The following ARHGAP32 variants were observed in gnomAD, a reference collection of about 807,000 sequenced individuals.
The protein encoded by ARHGAP32 is Rho GTPase activating protein 32, also known as rho GTPase-activating protein 32.
A neutral mutation model predicts 186.5 loss-of-function variants in ARHGAP32; 51 were observed. The ratio of observed to expected loss-of-function variants is 0.27; its 90% CI spans 0.22 to 0.35. The LOEUF (loss-of-function observed/expected upper bound fraction) is 0.35, where lower values mean the gene tolerates loss of function less well. ARHGAP32 is among the 10% of genes least tolerant of loss of function. ARHGAP32 has a pLI of 1.00. For missense variants in ARHGAP32, 2,186 were observed against 2,623.5 expected (o/e 0.83, Z 3.64); for synonymous variants, 950 against 964.3 (o/e 0.99, Z 0.27).
chr11:129,044,933 A>G (rs1939747322), intron 10 of ARHGAP32, among the ~76,000 whole-genome samples: 1 of 152,212 alleles, frequency 6.6e-6, no homozygotes, highest in African/African-American at 2.4e-5. Flanking sequence ...AGACTGAACA[A>G]AGAGAGCTTA....
In ARHGAP32 at chr11:128,981,561, T is replaced by C. The variant is rs1379126526; in HGVS notation, c.1635A>G (p.Arg545=). 2 of 1,608,508 alleles carry C rather than the reference T, an allele frequency of 1.2e-6. No individual in the cohort carries two copies. The highest frequency in any genetic ancestry group is 1.7e-6 in the Non-Finnish European group (2 of 1,176,542). ...LAIVWAPNLL[R]SKQIESACFS... ...AGCAGGCAGATTCTATCTGTTTTGA[T>C]CTGTGAGGTAAACATTTTCATCACA... is the stretch of plus-strand genomic sequence containing the variant. The change falls in exon 17 of 23, where the codon AGA becomes AGG. Residue 545 remains arginine (R), a splice_region_variant and synonymous_variant. Coordinates refer to ENST00000682385, the MANE Select transcript of ARHGAP32 (RefSeq NM_001378024.1).
At chr11:129,151,166 T>C (rs1292833467) in intron 2 of ARHGAP32, among the ~76,000 whole-genome samples, 1 of 152,020 alleles carries the variant, frequency 6.6e-6, no homozygotes, top group Non-Finnish European at 1.5e-5. Flanking sequence ...AGGATCAATC[T>C]AACAAGAAAA....
intron 2 of ARHGAP32, among the ~76,000 whole-genome samples, chr11:129,148,681 C>T (rs1654873386): frequency 1.3e-5 from 2 of 152,130 alleles, no homozygotes; most frequent in Admixed American, 1.3e-4. Flanking sequence ...TGGTGACAGA[C>T]AGGGAGGGGC....
intron 1 of ARHGAP32, among the ~76,000 whole-genome samples, chr11:129,248,109 G>A (rs112062964): frequency 7.3e-4 from 110 of 151,160 alleles, no homozygotes; most frequent in African/African-American, 2.3e-3. Flanking sequence ...TCAGGAGATC[G>A]AGACCATCCT....
chr11:129,268,931 G>A (rs1373541955), intron 1 of ARHGAP32, among the ~76,000 whole-genome samples: 1 of 152,118 alleles, frequency 6.6e-6, no homozygotes, highest in Non-Finnish European at 1.5e-5. Context: ...CAGGAGCCTA[G>A]ACAAAGCCCT....
chr11:129,204,417 T>C (rs1236107059), intron 1 of ARHGAP32, among the ~76,000 whole-genome samples: 1 of 152,054 alleles, frequency 6.6e-6, no homozygotes, highest in Non-Finnish European at 1.5e-5. Flanking sequence ...GGTAAGGCTA[T>C]GCAAAAAGAA....
chr11:129,074,251 T>C (rs1241118148), intron 6 of ARHGAP32, among the ~76,000 whole-genome samples: 1 of 143,684 alleles, frequency 7.0e-6, no homozygotes, highest in African/African-American at 2.6e-5. Flanking sequence ...GCAACAACAA[T>C]GTACTTGACT....
chr11:128,973,256 T>C lies in ARHGAP32; in HGVS notation c.3250A>G (p.Thr1084Ala). 1 of 1,614,148 alleles carries C rather than the reference T, an allele frequency of 6.2e-7. No individual in the cohort carries two copies. The highest frequency in any genetic ancestry group is 2.2e-5 in the East Asian group (1 of 44,890). ...GCCACCGCTATGTCTCCATAATTTG[T>C]ATACCCAGCCTGAGAGGTCCCTGGT... ...KRPGTSQAGY[T>A]NYGDIAVATT... Residue 1084 changes from threonine to alanine, a missense_variant, in exon 22 of 23, where the codon ACA (threonine) becomes GCA (alanine). By Grantham distance (58) the Thr-to-Ala change is moderately conservative. Around this residue, in one of 5 missense-constraint regions of ARHGAP32, gnomAD observed 1,502 missense variants for 1,570.0 expected, o/e 0.96. Transcript: ENST00000682385.
chr11:129,055,970 C>T (rs1940236497), intron 10 of ARHGAP32, among the ~76,000 whole-genome samples: 1 of 152,064 alleles, frequency 6.6e-6, no homozygotes, highest in East Asian at 1.9e-4. Flanking sequence ...AAAAAGTAAG[C>T]CCCAAAATTG....
chr11:128,985,082 T>C (rs1472822218), intron 15 of ARHGAP32, among the ~76,000 whole-genome samples: 1 of 152,142 alleles, frequency 6.6e-6, no homozygotes, highest in East Asian at 1.9e-4. Flanking sequence ...TGCAGTGGCA[T>C]GATCTCGGCT....
chr11:129,217,784 G>A (rs1049323679), intron 1 of ARHGAP32, among the ~76,000 whole-genome samples: 1 of 152,170 alleles, frequency 6.6e-6, no homozygotes, highest in Non-Finnish European at 1.5e-5. Context: ...CAAAGAAATA[G>A]ACATATACAC....
chr11:129,029,888 G>C (rs1258575134), intron 11 of ARHGAP32, among the ~76,000 whole-genome samples: 2 of 150,058 alleles, frequency 1.3e-5, no homozygotes, highest in African/African-American at 2.4e-5. Flanking sequence ...ACAGGGTTGT[G>C]ACCAGATTCA....
intron 2 of ARHGAP32, among the ~76,000 whole-genome samples, chr11:129,132,703 A>C (rs1942839339): frequency 6.6e-6 from 1 of 152,206 alleles, no homozygotes; most frequent in Non-Finnish European, 1.5e-5. Flanking sequence ...TACTAGCTAT[A>C]TCAAAAACCA....
At chr11:129,224,008 T>C (rs1944747772) in intron 1 of ARHGAP32, among the ~76,000 whole-genome samples, 1 of 152,182 alleles carries the variant, frequency 6.6e-6, no homozygotes, top group Non-Finnish European at 1.5e-5. Context: ...TCTTCTTGAG[T>C]ACAAGTGAAG....
At chr11:129,193,617 GTT>G (rs1565464716), upstream of ARHGAP32, among the ~76,000 whole-genome samples, 2 of 48,004 alleles carry the variant, frequency 4.2e-5, no homozygotes, top group East Asian at 5.9e-4. Flanking sequence ...TATAATATAT[GTT>G]ATATAATATA....
intron 2 of ARHGAP32, among the ~76,000 whole-genome samples, chr11:129,127,187 G>C (rs1045693246): frequency 6.6e-6 from 1 of 152,142 alleles, no homozygotes; most frequent in Non-Finnish European, 1.5e-5. Context: ...ATCCGAATGA[G>C]GGAGGAACAT....
At chr11:129,254,235 T>C (rs1429645686) in intron 1 of ARHGAP32, among the ~76,000 whole-genome samples, 2 of 152,004 alleles carry the variant, frequency 1.3e-5, no homozygotes, top group South Asian at 2.1e-4. Context: ...TTTTTAAAAG[T>C]AGAAAAAAGG....
At chr11:129,232,263 A>C (rs993298041) in intron 1 of ARHGAP32, among the ~76,000 whole-genome samples, 1 of 152,302 alleles carries the variant, frequency 6.6e-6, no homozygotes, top group Admixed American at 6.5e-5. Context: ...ATGAACTAGG[A>C]AACAGGCATA....
chr11:129,238,266 ACTC>A (rs1944963581), intron 1 of ARHGAP32, among the ~76,000 whole-genome samples: 1 of 152,132 alleles, frequency 6.6e-6, no homozygotes, highest in Non-Finnish European at 1.5e-5. Context: ...TTTCCTTCTA[ACTC>A]TTATACCCTC....
Sources: allele counts gnomAD v4.1 joint callset (sites outside exome capture counted in the v4.1 genomes callset), GRCh38; gene constraint gnomAD v4.1.1; regional missense constraint gnomAD v4.1.1; transcripts MANE v1.5; gene names NCBI Gene and HGNC (gene_info 2026-07-23, HGNC 2026-07-21).